The following SH3PXD2B variants were observed in gnomAD, a reference collection of about 807,000 sequenced individuals.
SH3PXD2B encodes the protein SH3 and PX domain-containing protein 2B.
SH3PXD2B carries 37 observed loss-of-function variants against 73.1 expected under a neutral mutation model. The observed-to-expected ratio is 0.51, with a 90% confidence interval of 0.39 to 0.67. SH3PXD2B has a LOEUF of 0.67. Among genes scored for constraint, SH3PXD2B ranks in the 30% least tolerant of loss-of-function variants. SH3PXD2B has a pLI of 0.00. For missense variants in SH3PXD2B, 1,053 were observed against 1,197.8 expected, an observed-to-expected ratio of 0.88 and a Z score of 1.78; for synonymous variants, 457 against 480.5, an observed-to-expected ratio of 0.95 and a Z score of 0.64.
intron 1 of SH3PXD2B, among the ~76,000 whole-genome samples, chr5:172,447,930 TA>T (rs1329020212): frequency 6.6e-5 from 10 of 152,170 alleles, no homozygotes; most frequent in African/African-American, 2.2e-4. Context: ...ACCAGGTCCC[TA>T]GCAGAGCATC....
At chr5:172,394,496 G>A in intron 4 of SH3PXD2B, 67 bp downstream of exon 4, 1 of 1,523,672 alleles carries the variant, frequency 6.6e-7, no homozygotes, top group Non-Finnish European at 9.1e-7. Context: ...GCATCTTGTA[G>A]CCAGAAAAAG....
intron 7 of SH3PXD2B, among the ~76,000 whole-genome samples, chr5:172,361,662 A>C (rs1241787014): frequency 6.6e-6 from 1 of 152,108 alleles, no homozygotes; most frequent in African/African-American, 2.4e-5. Context: ...GGGCTGCTGG[A>C]GTTGGTTTCG....
downstream of SH3PXD2B, chr5:172,333,438 T>C (rs956233483): frequency 1.3e-5 from 13 of 1,006,958 alleles, no homozygotes; most frequent in African/African-American, 1.6e-4. Flanking sequence ...ATCCCGAAGA[T>C]CCCAGGCCAC....
At chr5:172,417,456 C>G (rs919200454) in intron 2 of SH3PXD2B, among the ~76,000 whole-genome samples, 1 of 152,220 alleles carries the variant, frequency 6.6e-6, no homozygotes, top group Non-Finnish European at 1.5e-5. Context: ...TCCAGCCACA[C>G]CTGAAGCCAA....
intron 9 of SH3PXD2B, among the ~76,000 whole-genome samples, 182 bp from the exon 10 acceptor site, chr5:172,350,771 G>C (rs1251982919): frequency 1.3e-5 from 2 of 152,316 alleles, no homozygotes; most frequent in African/African-American, 4.8e-5. Flanking sequence ...CCCTGAGCTT[G>C]GTATTTTCAA....
chr5:172,346,626 A>C (rs1390132258), intron 11 of SH3PXD2B, among the ~76,000 whole-genome samples: 7 of 151,992 alleles, frequency 4.6e-5, no homozygotes, highest in Admixed American at 4.6e-4. Context: ...TGGGCAAATC[A>C]CCCCCTTCTG....
intron 2 of SH3PXD2B, among the ~76,000 whole-genome samples, chr5:172,411,716 G>A (rs928602675): frequency 5.3e-5 from 8 of 152,030 alleles, no homozygotes; most frequent in Non-Finnish European, 1.0e-4. Context: ...AGAAATCCCC[G>A]CTCCTTACAC....
In SH3PXD2B at chr5:172,336,167, A is replaced by G. The variant is rs1214793750; in HGVS notation, c.*2202T>C. ...AGTAGACACTCACAAAGTATCTGAA[A>G]GCGTCGCTGAAAGGCAAAGAGCAAA... On this transcript the variant is annotated 3_prime_UTR_variant, in exon 13 of 13. Transcript: ENST00000311601. 2.0e-6 allele frequency: 2 copies of G among 985,936 alleles called. No individual in the cohort carries two copies. The highest frequency in any genetic ancestry group is 2.4e-6 in the Non-Finnish European group (2 of 830,392). 61.1% of individuals were successfully genotyped at this position (985,936 alleles called of 1,614,324 possible).
At chr5:172,430,444 G>A (rs961953753) in intron 1 of SH3PXD2B, among the ~76,000 whole-genome samples, 2 of 152,212 alleles carry the variant, frequency 1.3e-5, no homozygotes, top group Non-Finnish European at 2.9e-5. Context: ...CCAGAGTCAG[G>A]GCTTTGTCCC....
At chr5:172,452,668 CTATT>C (rs1056049931) in intron 1 of SH3PXD2B, among the ~76,000 whole-genome samples, 1 of 152,168 alleles carries the variant, frequency 6.6e-6, no homozygotes, top group Non-Finnish European at 1.5e-5. Context: ...GTGGCAGTAT[CTATT>C]CTCGTTTTTG....
intron 3 of SH3PXD2B, among the ~76,000 whole-genome samples, chr5:172,404,935 T>C (rs1326471338): frequency 6.6e-6 from 1 of 152,244 alleles, no homozygotes; most frequent in Non-Finnish European, 1.5e-5. Flanking sequence ...ATAGGTTCCC[T>C]GAGCCTCAAT....
In SH3PXD2B at chr5:172,348,659, CTATCTAT is replaced by C. The variant is rs1561896643; in HGVS notation, c.1013-1334_1013-1328del. Reference sequence around the variant, plus strand: ...CTATGTATCTATCTATCTATCCTATCTATCTATCTATCTATCTATCTATCTATCTATC... The same window carrying C: ...CTATGTATCTATCTATCTATCCTATCCTATCTATCTATCTATCTATCTATC... On this transcript the variant is annotated intron_variant, in intron 10 of 12. Transcript: ENST00000311601. Among the ~76,000 whole-genome samples the C allele has an allele frequency of 1.4e-3, 148 of 107,850 alleles. 1 individual carries two copies. Among genetic ancestry groups the C allele is most frequent in the African/African-American group, 4.5e-3 (137 of 30,708 alleles). 70.8% of individuals were successfully genotyped at this position (107,850 alleles called of 152,430 possible).
Position 172,339,100 on chromosome 5 carries a change from T to C in SH3PXD2B, c.2005A>G (p.Lys669Glu), listed in dbSNP as rs767370493. The C allele has an allele frequency of 3.5e-5, 56 of 1,614,094 alleles. No homozygotes were observed. Among genetic ancestry groups the C allele is most frequent in the Non-Finnish European group, 4.6e-5 (54 of 1,180,044 alleles). The change falls in exon 13 of 13, where the codon AAG becomes GAG. Residue 669 changes from lysine to glutamate, a missense_variant. By Grantham distance (56) the Lys-to-Glu change is moderately conservative (BLOSUM62 1). Transcript: ENST00000311601. This position sits in a 1 kb window ranked among gnomAD's most constrained non-coding sequence, Gnocchi z 6.1. Reference sequence around the variant, plus strand: ...TCTTGGGACTTGGCAGGCCTGAGCTTACTCCTGAGGTTGCAGATGTCGACT... The same window carrying C: ...TCTTGGGACTTGGCAGGCCTGAGCTCACTCCTGAGGTTGCAGATGTCGACT... Reference protein sequence around the residue: ...DQVDICNLRSKLRPAKSQDKS... With the variant: ...DQVDICNLRSELRPAKSQDKS...
Position 172,334,401 on chromosome 5 carries a change from T to G in SH3PXD2B, c.*3968A>C. 1 of 990,630 alleles carries G rather than the reference T, an allele frequency of 1.0e-6. No individual in the cohort carries two copies. Among genetic ancestry groups the G allele is most frequent in the Non-Finnish European group, 1.2e-6 (1 of 834,016 alleles). The allele number at this position is 990,630 out of a possible 1,614,324, so 61.4% of individuals were successfully genotyped here. ...TGCACCCTCAGGCCTCGATGCATGC[T>G]GCTCTACCTCTCATCAGCCCACAGT... On this transcript the variant is annotated 3_prime_UTR_variant, in exon 13 of 13. Coordinates refer to ENST00000311601, the MANE Select transcript of SH3PXD2B (RefSeq NM_001017995.3).
At chr5:172,381,983 G>T in intron 5 of SH3PXD2B, 53 bp downstream of exon 5, 2 of 1,437,878 alleles carry the variant, frequency 1.4e-6, no homozygotes, top group Non-Finnish European at 1.9e-6. Context: ...GGCTGGACTG[G>T]CAGGAGGGAG....
intron 3 of SH3PXD2B, among the ~76,000 whole-genome samples, chr5:172,399,188 C>T (rs142544177): frequency 1.0e-3 from 154 of 152,276 alleles, no homozygotes; most frequent in Middle Eastern, 6.8e-3. Flanking sequence ...CAATCATTAT[C>T]CAAAGAACAA....
chr5:172,392,746 C>T (rs7718337), intron 4 of SH3PXD2B, among the ~76,000 whole-genome samples: 6,957 of 152,218 alleles, frequency 0.046, 512 homozygotes, highest in African/African-American at 0.15. Flanking sequence ...GATGGCGCCA[C>T]GGCACTCCAG....
chr5:172,408,322 C>T (rs960927776), intron 2 of SH3PXD2B, among the ~76,000 whole-genome samples: 5 of 152,030 alleles, frequency 3.3e-5, no homozygotes, highest in East Asian at 1.9e-4. Context: ...GGCTGGAGTG[C>T]GGTGGCACAA....
intron 6 of SH3PXD2B, among the ~76,000 whole-genome samples, chr5:172,365,204 CAGA>C (rs1757486802): frequency 6.6e-6 from 1 of 152,180 alleles, no homozygotes; most frequent in Admixed American, 6.5e-5. Context: ...GCTGATGGTT[CAGA>C]AGATCGGGCA....
Sources: allele counts gnomAD v4.1 joint callset (sites outside exome capture counted in the v4.1 genomes callset), GRCh38; gene constraint gnomAD v4.1.1; non-coding constraint Gnocchi (gnomAD v3.1); transcripts MANE v1.5; gene names NCBI Gene and HGNC (gene_info 2026-07-23, HGNC 2026-07-21).